Variants in NALF1 observed in about 807,000 individuals in gnomAD.
NALF1 encodes the protein NALCN channel auxiliary factor 1, also known as family with sequence similarity 155 member A.
In NALF1, 3 loss-of-function variants were observed where a neutral mutation model predicts 48.4. The ratio of observed to expected loss-of-function variants is 0.06; its 90% CI spans 0.03 to 0.16. The LOEUF (loss-of-function observed/expected upper bound fraction) is 0.16. NALF1 is among the 10% of genes least tolerant of loss of function. The probability of loss-of-function intolerance (pLI) is 1.00; values close to 1 mark genes in which losing one functional copy is unlikely to be tolerated. For missense variants in NALF1, 526 were observed against 571.5 expected (o/e 0.92, Z 0.81); for synonymous variants, 262 against 245.7 (o/e 1.07, Z -0.62).
chr13:107,746,521 A>G (rs1424449937), intron 1 of NALF1, among the ~76,000 whole-genome samples: 1 of 152,204 alleles, frequency 6.6e-6, no homozygotes, highest in Non-Finnish European at 1.5e-5. Flanking sequence ...TTTTGAGATC[A>G]ATTGTCCTTT....
intron 1 of NALF1, among the ~76,000 whole-genome samples, chr13:107,223,022 A>C (rs946754365): frequency 6.6e-6 from 1 of 152,180 alleles, no homozygotes; most frequent in Non-Finnish European, 1.5e-5. Flanking sequence ...ATTTTCTCCG[A>C]TACATTTTTT....
At chr13:107,222,565 G>A (rs939945194) in intron 1 of NALF1, among the ~76,000 whole-genome samples, 4 of 152,072 alleles carry the variant, frequency 2.6e-5, no homozygotes, top group African/African-American at 9.7e-5. Flanking sequence ...GTGTGTGTTC[G>A]CCCCGCTTAG....
At chr13:107,683,022 G>C (rs1211939114) in intron 1 of NALF1, among the ~76,000 whole-genome samples, 1 of 152,188 alleles carries the variant, frequency 6.6e-6, no homozygotes, top group East Asian at 1.9e-4. Context: ...CAGCACTTTG[G>C]GAGGCTGAGG....
intron 1 of NALF1, among the ~76,000 whole-genome samples, chr13:107,754,132 C>T (rs757658757): frequency 2.0e-5 from 3 of 152,068 alleles, no homozygotes; most frequent in Non-Finnish European, 2.9e-5. Flanking sequence ...ACAAATAAGT[C>T]GTCAGATAGG....
intron 1 of NALF1, chr13:107,466,139 G>A (rs1023391423): frequency 3.3e-5 from 5 of 152,242 alleles, no homozygotes; most frequent in South Asian, 2.1e-4. Context: ...CAGATCTCAT[G>A]GGACTCATTC....
chr13:107,396,178 CTTA>C (rs1301433976), intron 1 of NALF1, among the ~76,000 whole-genome samples: 5 of 152,056 alleles, frequency 3.3e-5, no homozygotes, highest in Non-Finnish European at 5.9e-5. Flanking sequence ...TCTTTTTCTT[CTTA>C]TAAGGGCACT....
chr13:107,254,062 A>AAAAAAAATATATATATATATATATATAT, intron 1 of NALF1, among the ~76,000 whole-genome samples: 47 of 138,666 alleles, frequency 3.4e-4, no homozygotes, highest in African/African-American at 1.2e-3. Context: ...CAAGTACTAA[A>AAAAAAAATATATATATATATATATATAT]ATATATATAT....
intron 1 of NALF1, among the ~76,000 whole-genome samples, chr13:107,735,789 A>G (rs1876450978): frequency 6.6e-6 from 1 of 151,856 alleles, no homozygotes; most frequent in Non-Finnish European, 1.5e-5. Flanking sequence ...TTACCCACCA[A>G]CTCTTCTTGG....
At chr13:107,585,469 T>C (rs540644855) in intron 1 of NALF1, among the ~76,000 whole-genome samples, 16 of 152,298 alleles carry the variant, frequency 1.1e-4, no homozygotes, top group Admixed American at 7.8e-4. Flanking sequence ...AACAAATTAC[T>C]GTCAGTTTTC....
intron 1 of NALF1, among the ~76,000 whole-genome samples, chr13:107,251,222 C>T (rs1880693598): frequency 6.6e-6 from 1 of 152,162 alleles, no homozygotes; most frequent in South Asian, 2.1e-4. Flanking sequence ...AGATTTTCCT[C>T]CCCAAGTCAG....
At chr13:107,361,674 A>G (rs954785087) in intron 1 of NALF1, among the ~76,000 whole-genome samples, 2 of 152,204 alleles carry the variant, frequency 1.3e-5, no homozygotes, top group Non-Finnish European at 1.5e-5. Context: ...AAGTGAAGGA[A>G]TTAATATTTG....
intron 1 of NALF1, among the ~76,000 whole-genome samples, chr13:107,378,349 A>G (rs952561925): frequency 2.0e-5 from 3 of 152,032 alleles, no homozygotes; most frequent in Non-Finnish European, 2.9e-5. Flanking sequence ...AATAGTGGTT[A>G]TTACAATGTA....
At chr13:107,639,585 G>A (rs1182356463) in intron 1 of NALF1, among the ~76,000 whole-genome samples, 3 of 149,126 alleles carry the variant, frequency 2.0e-5, no homozygotes, top group African/African-American at 7.3e-5. Flanking sequence ...ATTGCAGCCT[G>A]TGCATAGCCC....
intron 1 of NALF1, among the ~76,000 whole-genome samples, chr13:107,553,630 C>G (rs1008637371): frequency 6.6e-6 from 1 of 152,124 alleles, no homozygotes; most frequent in Non-Finnish European, 1.5e-5. Flanking sequence ...TCAATAAAAT[C>G]TCACCAATCA....
intron 1 of NALF1, among the ~76,000 whole-genome samples, chr13:107,267,086 T>A: frequency 6.6e-6 from 1 of 152,206 alleles, no homozygotes; most frequent in East Asian, 1.9e-4. Flanking sequence ...AGGTATACAA[T>A]TCAAGTTTCC....
At chr13:107,506,047 T>C (rs978916593) in intron 1 of NALF1, among the ~76,000 whole-genome samples, 2 of 152,192 alleles carry the variant, frequency 1.3e-5, no homozygotes, top group African/African-American at 4.8e-5. Context: ...ATTTTTGTTA[T>C]AAGAACAGTT....
intron 1 of NALF1, among the ~76,000 whole-genome samples, chr13:107,370,940 A>G (rs1285328173): frequency 6.6e-6 from 1 of 152,168 alleles, no homozygotes; most frequent in Non-Finnish European, 1.5e-5. Flanking sequence ...AGGACATCAT[A>G]GAGGTAACTG....
chr13:107,803,990 C>T (rs145655190), intron 1 of NALF1, among the ~76,000 whole-genome samples: 1 of 152,286 alleles, frequency 6.6e-6, no homozygotes, highest in African/African-American at 2.4e-5. Context: ...TTGACTTCTC[C>T]TTCCCTGTAC....
chr13:107,703,604 C>T (rs560675681), intron 1 of NALF1, among the ~76,000 whole-genome samples: 42 of 152,240 alleles, frequency 2.8e-4, no homozygotes, highest in South Asian at 1.0e-3. Context: ...CCGCCCACCT[C>T]GGCAACCCAA....
Sources: gnomAD v4.1 joint callset for allele counts (sites outside exome capture counted in the v4.1 genomes callset) on GRCh38, gnomAD v4.1.1 for gene constraint, MANE v1.5 for transcripts, NCBI Gene and HGNC (gene_info 2026-07-23, HGNC 2026-07-21) for gene names.